The following TIFAB variants were observed in gnomAD, a reference collection of about 807,000 sequenced individuals.
The protein encoded by TIFAB is TIFA inhibitor.
For synonymous variants in TIFAB, 116 were observed against 95.2 expected, an observed-to-expected ratio of 1.22 and a Z score of -1.27; for missense variants, 222 against 203.6, an observed-to-expected ratio of 1.09 and a Z score of -0.55.
In TIFAB at chr5:135,448,854, T is replaced by TTGGG. The variant is rs1769317631; in HGVS notation, c.*596_*599dup. The TTGGG allele has an allele frequency of 1.9e-5, 3 of 155,136 alleles. No homozygotes were observed. The highest frequency in any genetic ancestry group is 4.3e-5 in the Non-Finnish European group (3 of 69,736). 9.6% of individuals were successfully genotyped at this position (155,136 alleles called of 1,614,324 possible). ...CCCATCTGGGGATCAGGGAATCCTA[T>TTGGG]TGGGTATGCCAGCTTAATGAAATAC... On this transcript the variant is annotated 3_prime_UTR_variant, in exon 2 of 2. Coordinates refer to ENST00000537858, the MANE Select transcript of TIFAB (RefSeq NM_001099221.2).
At position 135,447,310 on chromosome 5, in the gene TIFAB, T is replaced by A. The variant is rs531979572; in HGVS notation, c.*2144A>T. On this transcript the variant is annotated 3_prime_UTR_variant, in exon 2 of 2. Coordinates refer to ENST00000537858, the MANE Select transcript of TIFAB (RefSeq NM_001099221.2). Reference sequence around the variant, plus strand: ...TCCGTGGCTACAACTAAATCCCTAGTTGGGGAATCACAGAGCACAGGTAAG... The same window carrying A: ...TCCGTGGCTACAACTAAATCCCTAGATGGGGAATCACAGAGCACAGGTAAG... 1.5e-6 allele frequency: 1 copy of A among 649,954 alleles called. No individual in the cohort carries two copies. The highest frequency in any genetic ancestry group is 1.8e-5 in the African/African-American group (1 of 54,524). 40.3% of individuals were successfully genotyped at this position (649,954 alleles called of 1,614,324 possible).
Position 135,449,926 on chromosome 5 carries a change from A to G in TIFAB, c.14T>C (p.Leu5Pro). The change falls in exon 2 of 2, where the codon CTC (leucine) becomes CCC (proline). Residue 5 changes from leucine (L) to proline (P), a missense_variant. Coordinates refer to ENST00000537858, the MANE Select transcript of TIFAB (RefSeq NM_001099221.2). ...GTACAGGCTCACTCGCAGGACGGTG[A>G]GGGGCTTCTCCATGGAAGAAGTCCT... MEKP[L>P]TVLRVSLYHP... 6.6e-7 allele frequency: 1 copy of G among 1,520,786 alleles called. No homozygotes were observed. Among genetic ancestry groups the G allele is most frequent in the Admixed American group, 2.2e-5 (1 of 45,698 alleles). The allele number at this position is 1,520,786 out of a possible 1,614,324, so 94.2% of individuals were successfully genotyped here. A position where few individuals can be genotyped will look rare whatever the true frequency, so the allele number is the denominator to read the frequency against.
rs572376932 is a variant in TIFAB at position 135,446,322 on chromosome 5, C to A, written c.*3132G>T. 4 of 1,538,288 alleles carry A rather than the reference C, an allele frequency of 2.6e-6. No homozygotes were observed. The Admixed American group carries it at 5.8e-5, about 22-fold the overall frequency. On this transcript the variant is annotated 3_prime_UTR_variant, in exon 2 of 2. Transcript: ENST00000537858. ...GCAGCGTTCATGTGCACTGTATGTT[C>A]GTGTTTAGTGTATGTCTGTGCATAC...
Position 135,446,258 on chromosome 5 carries a change from A to G in TIFAB, c.*3196T>C, listed in dbSNP as rs1769257949. ...AAGTGGGGGTGGGGACAAGAATTCT[A>G]ACCCAGGCAGCAGTCTGACCAGAGG... On this transcript the variant is annotated 3_prime_UTR_variant, in exon 2 of 2. Coordinates refer to ENST00000537858, the MANE Select transcript of TIFAB (RefSeq NM_001099221.2). 7.6e-7 allele frequency: 1 copy of G among 1,315,680 alleles called. No homozygotes were observed. Among genetic ancestry groups the G allele is most frequent in the South Asian group, 1.4e-5 (1 of 69,204 alleles). The allele number at this position is 1,315,680 out of a possible 1,614,324, so 81.5% of individuals were successfully genotyped here.
Position 135,445,014 on chromosome 5 carries a change from G to C in TIFAB, c.*4440C>G, listed in dbSNP as rs10059928. On this transcript the variant is annotated 3_prime_UTR_variant, in exon 2 of 2. Coordinates refer to ENST00000537858, the MANE Select transcript of TIFAB (RefSeq NM_001099221.2). ...GGGCTGGCCTGCATAGCCCAGGGGTGGAGAGAGGGGTCAGACTAGAACCTA... is the reference window on the plus strand; with the variant it reads ...GGGCTGGCCTGCATAGCCCAGGGGTCGAGAGAGGGGTCAGACTAGAACCTA... 43,438 of 152,122 alleles carry C rather than the reference G, an allele frequency of 0.29. 6,630 individuals carry two copies. The highest frequency in any genetic ancestry group is 0.38 in the African/African-American group (15,777 of 41,420). The allele number at this position is 152,122 out of a possible 1,614,324, so 9.4% of individuals were successfully genotyped here.
rs1373662123 is a variant in TIFAB, at chr5:135,446,674, T to C, written c.*2780A>G. On this transcript the variant is annotated 3_prime_UTR_variant, in exon 2 of 2. Transcript: ENST00000537858. ...CAAGGTGTGAGTTTCCCGGTGAGACTGTGTGAACTGTGAACGGGTAGAGTC... is the reference window on the plus strand; with the variant it reads ...CAAGGTGTGAGTTTCCCGGTGAGACCGTGTGAACTGTGAACGGGTAGAGTC... 1.2e-6 allele frequency: 2 copies of C among 1,613,904 alleles called. No homozygotes were observed. Among genetic ancestry groups the C allele is most frequent in the South Asian group, 1.1e-5 (1 of 91,076 alleles).
intron 1 of TIFAB, among the ~76,000 whole-genome samples, chr5:135,450,254 C>T (rs1769342231): frequency 6.6e-6 from 1 of 152,170 alleles, no homozygotes; most frequent in Non-Finnish European, 1.5e-5. Context: ...ATTTGGTAAT[C>T]TTTTGGTTAT....
Position 135,444,395 on chromosome 5 carries a change from C to G in TIFAB, c.*5059G>C. On this transcript the variant is annotated 3_prime_UTR_variant, in exon 2 of 2. Transcript: ENST00000537858. ...GGTTTTGAGGGTCTGGTGCGGTGTC[C>G]GGTGAACGGCTGCAATGCAGGTTAG... 6.6e-6 allele frequency: 1 copy of G among 152,242 alleles called. No homozygotes were observed. Among genetic ancestry groups the G allele is most frequent in the Non-Finnish European group, 1.5e-5 (1 of 68,086 alleles). 9.4% of individuals were successfully genotyped at this position (152,242 alleles called of 1,614,324 possible).
rs548962185 is a variant in TIFAB at position 135,446,245 on chromosome 5, G to T, written c.*3209C>A. 1.7e-5 allele frequency: 19 copies of T among 1,131,030 alleles called. No homozygotes were observed. The highest frequency in any genetic ancestry group is 2.4e-5 in the Admixed American group (1 of 41,946). The allele number at this position is 1,131,030 out of a possible 1,614,324, so 70.1% of individuals were successfully genotyped here. On this transcript the variant is annotated 3_prime_UTR_variant, in exon 2 of 2. Transcript: ENST00000537858. ...ACAGAACTATAGTAAGTGGGGGTGG[G>T]GACAAGAATTCTAACCCAGGCAGCA... is the stretch of plus-strand genomic sequence containing the variant.
Position 135,446,937 on chromosome 5 carries a change from C to G in TIFAB, c.*2517G>C. 1 of 1,612,660 alleles carries G rather than the reference C, an allele frequency of 6.2e-7. No homozygotes were observed. Among genetic ancestry groups the G allele is most frequent in the South Asian group, 1.1e-5 (1 of 90,856 alleles). ...CCCTCACTGAGGCCCTGGAGAGGGGCACTCAGGGGCAGCAGCTCATTCCCA... is the reference window on the plus strand; with the variant it reads ...CCCTCACTGAGGCCCTGGAGAGGGGGACTCAGGGGCAGCAGCTCATTCCCA... On this transcript the variant is annotated 3_prime_UTR_variant, in exon 2 of 2. Coordinates refer to ENST00000537858, the MANE Select transcript of TIFAB (RefSeq NM_001099221.2).
chr5:135,449,553 GA>G lies in TIFAB; in HGVS notation c.386del (p.Phe129SerfsTer8). ...GTSLEAFVCY[F>X]HVSPSPLIYR... ...AAATCAGGGGTGAAGGGCTGACATG[GA>G]AATAGCAGACAAAAGCCTCCAGGGA... On this transcript the variant is annotated frameshift_variant, in exon 2 of 2. Transcript: ENST00000537858. LOFTEE classifies it low-confidence loss of function (END_TRUNC). 1 of 1,614,228 alleles carries G rather than the reference GA, an allele frequency of 6.2e-7. No individual in the cohort carries two copies. The highest frequency in any genetic ancestry group is 8.5e-7 in the Non-Finnish European group (1 of 1,180,044).
In TIFAB at chr5:135,448,481, G is replaced by T. The variant is rs999389192; in HGVS notation, c.*973C>A. 2.6e-5 allele frequency: 4 copies of T among 151,804 alleles called. No homozygotes were observed. The highest frequency in any genetic ancestry group is 4.4e-5 in the Non-Finnish European group (3 of 68,000). The allele number at this position is 151,804 out of a possible 1,614,324, so 9.4% of individuals were successfully genotyped here. A position where few individuals can be genotyped will look rare whatever the true frequency, so the allele number is the denominator to read the frequency against. ...CTCCTAACGAGTCCCTTATTTGGAA[G>T]GAATTCCCCCACCCCCATTGGTGTG... On this transcript the variant is annotated 3_prime_UTR_variant, in exon 2 of 2. Coordinates refer to ENST00000537858, the MANE Select transcript of TIFAB (RefSeq NM_001099221.2).
At position 135,447,110 on chromosome 5, in the gene TIFAB, G is replaced by A. The variant is rs377763391; in HGVS notation, c.*2344C>T. ...GTGGGTTGCTGCTCCGTAATGCATA[G>A]TTGGGGGACCATTTTGGTCAGTGAC... is the stretch of plus-strand genomic sequence containing the variant. On this transcript the variant is annotated 3_prime_UTR_variant, in exon 2 of 2. Transcript: ENST00000537858. The A allele has an allele frequency of 3.7e-6, 6 of 1,613,912 alleles. No individual in the cohort carries two copies. The African/African-American group carries it at 5.3e-5, about 14-fold the overall frequency.
At position 135,451,240 on chromosome 5, in the gene TIFAB, G is replaced by C. The variant is rs1769358012; in HGVS notation, c.-11+969C>G. On this transcript the variant is annotated intron_variant, in intron 1 of 1. Coordinates refer to ENST00000537858, the MANE Select transcript of TIFAB (RefSeq NM_001099221.2). Reference sequence around the variant, plus strand: ...CCACAAATGGGATCATGTCTCAAAGGCTGTGGGACAGCGAGCCTGTTGCAG... The same window carrying C: ...CCACAAATGGGATCATGTCTCAAAGCCTGTGGGACAGCGAGCCTGTTGCAG... Among the ~76,000 whole-genome samples, 2 of 152,192 alleles carry C rather than the reference G, an allele frequency of 1.3e-5. 1 individual carries two copies. The highest frequency in any genetic ancestry group is 4.1e-4 in the South Asian group (2 of 4,834).
intron 1 of TIFAB, among the ~76,000 whole-genome samples, chr5:135,451,310 C>T (rs1769359074): frequency 6.6e-6 from 1 of 152,136 alleles, no homozygotes; most frequent in Admixed American, 6.5e-5. Context: ...CCTGCTGCCC[C>T]TCCTGCCTTT....
In TIFAB at chr5:135,447,343, G is replaced by T; in HGVS notation, c.*2111C>A. The T allele has an allele frequency of 5.1e-6, 3 of 586,022 alleles. No individual in the cohort carries two copies. The South Asian group carries it at 6.2e-5, about 12-fold the overall frequency. 36.3% of individuals were successfully genotyped at this position (586,022 alleles called of 1,614,324 possible). A position where few individuals can be genotyped will look rare whatever the true frequency, so the allele number is the denominator to read the frequency against. ...TCACAGAGCACAGGTAAGCCCTTGG[G>T]TTCTGGAGCCAGCTTACTGGGGTGT... On this transcript the variant is annotated 3_prime_UTR_variant, in exon 2 of 2. Transcript: ENST00000537858.
Position 135,449,687 on chromosome 5 carries a change from A to G in TIFAB, c.253T>C (p.Trp85Arg). 6.2e-7 allele frequency: 1 copy of G among 1,614,126 alleles called. No individual in the cohort carries two copies. The highest frequency in any genetic ancestry group is 8.5e-7 in the Non-Finnish European group (1 of 1,180,022). The change falls in exon 2 of 2, where the codon TGG becomes CGG. Residue 85 changes from tryptophan to arginine, a missense_variant. By Grantham distance (101) the Trp-to-Arg change is moderately radical (BLOSUM62 -3). Transcript: ENST00000537858. ...TACCTCAGCGTCAGCCCATTGACCC[A>G]CACACAGCCCTTGCGGCTCAGGGCC... ...LKALSRKGCV[W>R]VNGLTLRYLE...
In TIFAB at chr5:135,447,564, C is replaced by A. The variant is rs13154143; in HGVS notation, c.*1890G>T. On this transcript the variant is annotated 3_prime_UTR_variant, in exon 2 of 2. Coordinates refer to ENST00000537858, the MANE Select transcript of TIFAB (RefSeq NM_001099221.2). ...CGGGAGAAATAGAGGCAAGAGCAGA[C>A]TAAATCACTTGCCCAAATCGCATAG... 0.46 allele frequency: 82,107 copies of A among 177,150 alleles called. 19,323 individuals carry two copies. Among genetic ancestry groups the A allele is most frequent in the East Asian group, 0.57 (3,268 of 5,746 alleles). The allele number at this position is 177,150 out of a possible 1,614,324, so 11.0% of individuals were successfully genotyped here. A position where few individuals can be genotyped will look rare whatever the true frequency, so the allele number is the denominator to read the frequency against.
At position 135,446,380 on chromosome 5, in the gene TIFAB, A is replaced by G; in HGVS notation, c.*3074T>C. 6.3e-7 allele frequency: 1 copy of G among 1,598,494 alleles called. No homozygotes were observed. Among genetic ancestry groups the G allele is most frequent in the Non-Finnish European group, 8.5e-7 (1 of 1,169,696 alleles). On this transcript the variant is annotated 3_prime_UTR_variant, in exon 2 of 2. Coordinates refer to ENST00000537858, the MANE Select transcript of TIFAB (RefSeq NM_001099221.2). ...TGTGCACACGCACACATGTTCACTCAGGCACGTGGGCTGCCCTGCGGTGGG... is the reference window on the plus strand; with the variant it reads ...TGTGCACACGCACACATGTTCACTCGGGCACGTGGGCTGCCCTGCGGTGGG...
Sources: allele counts gnomAD v4.1 joint callset (sites outside exome capture counted in the v4.1 genomes callset), GRCh38; gene constraint gnomAD v4.1.1; transcripts MANE v1.5; gene names NCBI Gene and HGNC (gene_info 2026-07-23, HGNC 2026-07-21).